Variants in CREB5 observed in about 807,000 individuals in gnomAD.
CREB5 encodes cAMP responsive element binding protein 5.
Under a neutral mutation model 57.1 loss-of-function variants are expected in CREB5, and 19 were observed. The ratio of observed to expected loss-of-function variants is 0.33; its 90% CI spans 0.23 to 0.49. CREB5 has a LOEUF of 0.49. CREB5 is among the 20% of genes least tolerant of loss of function. The pLI, the probability that CREB5 is intolerant of heterozygous loss-of-function variation, is 0.99. For synonymous variants in CREB5, 238 were observed against 238.3 expected, an observed-to-expected ratio of 1.00 and a Z score of 0.01; for missense variants, 579 against 671.6, an observed-to-expected ratio of 0.86 and a Z score of 1.52.
chr7:28,795,187 C>G (rs926280341), intron 7 of CREB5, among the ~76,000 whole-genome samples: 1 of 152,150 alleles, frequency 6.6e-6, no homozygotes, highest in Non-Finnish European at 1.5e-5. Flanking sequence ...AATCCCCACA[C>G]CCTTCTGTTA....
chr7:28,517,036 ATC>A (rs923545251), intron 4 of CREB5, among the ~76,000 whole-genome samples: 63 of 152,282 alleles, frequency 4.1e-4, no homozygotes, highest in African/African-American at 1.5e-3. Flanking sequence ...AGGAAAACAG[ATC>A]TGTTTTCTGG....
chr7:28,493,299 A>G (rs895766800), intron 2 of CREB5, among the ~76,000 whole-genome samples: 5 of 152,244 alleles, frequency 3.3e-5, no homozygotes, highest in African/African-American at 7.2e-5. Flanking sequence ...TTCATTTGAC[A>G]TTGATAAAGC....
intron 5 of CREB5, among the ~76,000 whole-genome samples, chr7:28,701,105 A>T (rs1237164930): frequency 6.6e-6 from 1 of 152,196 alleles, no homozygotes; most frequent in Non-Finnish European, 1.5e-5. Context: ...ATGTCAACAC[A>T]CTTTTGAAAA....
intron 1 of CREB5, among the ~76,000 whole-genome samples, chr7:28,467,754 G>A (rs1790650273): frequency 1.3e-5 from 2 of 152,136 alleles, no homozygotes; most frequent in Non-Finnish European, 2.9e-5. Flanking sequence ...TCTATATCAA[G>A]TGGGCCAGGA....
intron 4 of CREB5, among the ~76,000 whole-genome samples, chr7:28,518,558 G>T (rs1217552305): frequency 1.3e-5 from 2 of 152,200 alleles, no homozygotes; most frequent in Non-Finnish European, 2.9e-5. Flanking sequence ...TCTAACCAGA[G>T]CAACAAGCCT....
intron 1 of CREB5, among the ~76,000 whole-genome samples, chr7:28,420,044 C>T (rs2128008688): frequency 6.6e-6 from 1 of 151,384 alleles, no homozygotes; most frequent in South Asian, 2.1e-4. Flanking sequence ...ACTAAAAAAC[C>T]AAAACAAAAC....
At chr7:28,341,755 A>T (rs1435223453) in intron 1 of CREB5, among the ~76,000 whole-genome samples, 1 of 152,240 alleles carries the variant, frequency 6.6e-6, no homozygotes, top group Non-Finnish European at 1.5e-5. Context: ...ACAGCCGCTT[A>T]ACAATTAGCA....
At chr7:28,325,919 T>G (rs1785590861) in intron 1 of CREB5, among the ~76,000 whole-genome samples, 1 of 152,232 alleles carries the variant, frequency 6.6e-6, no homozygotes. Flanking sequence ...CTGGCTTCTG[T>G]GTCCTTTTGA....
intron 5 of CREB5, among the ~76,000 whole-genome samples, chr7:28,597,932 A>T (rs1030623778): frequency 3.9e-5 from 6 of 152,168 alleles, no homozygotes; most frequent in African/African-American, 1.2e-4. Flanking sequence ...TGGACCTAGA[A>T]ATATATATGT....
intron 7 of CREB5, among the ~76,000 whole-genome samples, chr7:28,728,939 G>A (rs1803472109): frequency 1.3e-5 from 2 of 151,954 alleles, no homozygotes; most frequent in Non-Finnish European, 2.9e-5. Flanking sequence ...CAGTATGTCT[G>A]TTCCTTTGAA....
At chr7:28,391,647 C>T (rs1267287158) in intron 1 of CREB5, among the ~76,000 whole-genome samples, 1 of 152,180 alleles carries the variant, frequency 6.6e-6, no homozygotes, top group South Asian at 2.1e-4. Flanking sequence ...GTGACAGCCA[C>T]CTATATAATT....
chr7:28,521,562 A>T (rs1326055348), intron 4 of CREB5, among the ~76,000 whole-genome samples: 1 of 152,208 alleles, frequency 6.6e-6, no homozygotes, highest in Non-Finnish European at 1.5e-5. Flanking sequence ...GCCAAAATTC[A>T]AACAGTAATA....
intron 7 of CREB5, among the ~76,000 whole-genome samples, chr7:28,802,078 GAAAAAAAAAAAAAAA>G (rs35658848): frequency 2.6e-4 from 7 of 26,638 alleles, no homozygotes; most frequent in Admixed American, 1.9e-3. Flanking sequence ...GACTCCATCT[GAAAAAAAAAAAAAAA>G]AAAAAAAAAA....
intron 7 of CREB5, among the ~76,000 whole-genome samples, chr7:28,767,422 A>G (rs150196639): frequency 1.3e-5 from 2 of 152,306 alleles, no homozygotes; most frequent in Middle Eastern, 3.4e-3. Context: ...GCTTTGCACT[A>G]TCTTTTCAGG....
intron 1 of CREB5, among the ~76,000 whole-genome samples, chr7:28,304,506 G>T (rs1020575152): frequency 6.6e-6 from 1 of 152,176 alleles, no homozygotes; most frequent in Non-Finnish European, 1.5e-5. Flanking sequence ...TAGCCTGCTG[G>T]TGGGAGTATT....
chr7:28,704,532 C>T (rs897547445), intron 5 of CREB5, among the ~76,000 whole-genome samples: 3 of 151,886 alleles, frequency 2.0e-5, no homozygotes, highest in Non-Finnish European at 4.4e-5. Flanking sequence ...GATCATAGCT[C>T]ACTGTGTCTT....
rs537348183 is a variant in CREB5, at chr7:28,764,890, ATTATCT to A, written c.703-39305_703-39300del. Among the ~76,000 whole-genome samples, 229 of 152,330 alleles carry A rather than the reference ATTATCT, an allele frequency of 1.5e-3. 2 individuals carry two copies. The highest frequency in any genetic ancestry group is 5.2e-3 in the African/African-American group (218 of 41,562). Reference sequence around the variant, plus strand: ...CTTTCACTTTGTTACCGTCTCATAAATTATCTTTAGTAACTTCAGTGTCTTAGGTGA... The same window carrying A: ...CTTTCACTTTGTTACCGTCTCATAAATTAGTAACTTCAGTGTCTTAGGTGA... On this transcript the variant is annotated intron_variant, in intron 7 of 10. Transcript: ENST00000357727.
chr7:28,491,193 A>T (rs1431301726), intron 2 of CREB5: 18 of 985,222 alleles, frequency 1.8e-5, no homozygotes, highest in African/African-American at 5.2e-5. Flanking sequence ...AGAAGGAAAC[A>T]GTTTTTTTAA....
At chr7:28,772,883 C>A (rs1018607364) in intron 7 of CREB5, among the ~76,000 whole-genome samples, 1 of 152,128 alleles carries the variant, frequency 6.6e-6, no homozygotes, top group African/African-American at 2.4e-5. Context: ...GACACTTGTG[C>A]ACCAGCTCTG....
Sources: allele counts gnomAD v4.1 joint callset (sites outside exome capture counted in the v4.1 genomes callset), GRCh38; gene constraint gnomAD v4.1.1; transcripts MANE v1.5; gene names NCBI Gene and HGNC (gene_info 2026-07-23, HGNC 2026-07-21).